Variants in CNTN4 observed in about 807,000 individuals in gnomAD.
CNTN4 encodes the protein contactin 4.
In CNTN4, 77 loss-of-function variants were observed where a neutral mutation model predicts 122.5. The ratio of observed to expected loss-of-function variants is 0.63; its 90% CI spans 0.52 to 0.76. The LOEUF is 0.76. Ranked by LOEUF, CNTN4 falls within the 30% of genes least tolerant of loss-of-function variation. The pLI is 0.00. For synonymous variants in CNTN4, 512 were observed against 447.0 expected, an observed-to-expected ratio of 1.15 and a Z score of -1.83; for missense variants, 1,256 against 1,259.1, an observed-to-expected ratio of 1.00 and a Z score of 0.04.
At chr3:2,891,606 A>G (rs1469772384) in intron 10 of CNTN4, among the ~76,000 whole-genome samples, 2 of 152,184 alleles carry the variant, frequency 1.3e-5, no homozygotes, top group Non-Finnish European at 2.9e-5. Flanking sequence ...GGGGAAGTGC[A>G]TTGCTGGCAG....
intron 3 of CNTN4, among the ~76,000 whole-genome samples, chr3:2,365,491 C>A (rs1296622854): frequency 6.6e-6 from 1 of 152,166 alleles, no homozygotes; most frequent in African/African-American, 2.4e-5. Flanking sequence ...TCTTTTCAAA[C>A]TCTGTTCTAC....
chr3:2,583,883 A>C lies in CNTN4; in HGVS notation c.55+12325A>C, dbSNP rs572535486. Among the ~76,000 whole-genome samples, 23 of 152,320 alleles carry C rather than the reference A, an allele frequency of 1.5e-4. 1 individual carries two copies. In the South Asian group the frequency reaches 2.7e-3, roughly 18 times the overall value. The stretch of plus-strand genomic sequence containing the variant: ...TTCAAACTCTGTTCTGCCAGATTTA[A>C]GTGAGAAATCCAGGCAAAATACAAT... On this transcript the variant is annotated intron_variant, in intron 4 of 24. Coordinates refer to ENST00000418658, the MANE Select transcript of CNTN4 (RefSeq NM_175607.3).
At chr3:2,364,100 G>T (rs531436197) in intron 3 of CNTN4, among the ~76,000 whole-genome samples, 1 of 152,076 alleles carries the variant, frequency 6.6e-6, no homozygotes, top group South Asian at 2.1e-4. Context: ...TTGTCTAGTT[G>T]GGGGCTTGGT....
intron 4 of CNTN4, among the ~76,000 whole-genome samples, chr3:2,577,619 A>G (rs1238409805): frequency 6.6e-6 from 1 of 152,274 alleles, no homozygotes; most frequent in East Asian, 1.9e-4. Flanking sequence ...TGAGAGGAAG[A>G]TATGTATGCC....
At chr3:2,259,785 C>CG (rs1345808987) in intron 2 of CNTN4, among the ~76,000 whole-genome samples, 2 of 152,058 alleles carry the variant, frequency 1.3e-5, no homozygotes, top group East Asian at 3.9e-4. Context: ...GAGATTTGGG[C>CG]GGGGGACGCA....
intron 3 of CNTN4, among the ~76,000 whole-genome samples, chr3:2,503,819 T>A (rs1268976173): frequency 6.6e-6 from 1 of 152,064 alleles, no homozygotes; most frequent in Non-Finnish European, 1.5e-5. Context: ...GAATGGAATA[T>A]AAAGCATAAA....
intron 4 of CNTN4, among the ~76,000 whole-genome samples, chr3:2,644,664 A>T (rs1366338554): frequency 1.3e-5 from 2 of 150,456 alleles, no homozygotes; most frequent in African/African-American, 4.9e-5. Context: ...ACCATGCCCT[A>T]TAGGGTCTGT....
chr3:2,590,890 G>C (rs1225189106), intron 4 of CNTN4, among the ~76,000 whole-genome samples: 1 of 151,600 alleles, frequency 6.6e-6, no homozygotes, highest in Non-Finnish European at 1.5e-5. Flanking sequence ...AAGCTGTATT[G>C]AAGTATAATT....
rs1438556876 is a variant in CNTN4, at chr3:2,385,301, T to C, written c.-89+46068T>C. On this transcript the variant is annotated intron_variant, in intron 3 of 24. Coordinates refer to ENST00000418658, the MANE Select transcript of CNTN4 (RefSeq NM_175607.3). This position sits in a 1 kb window ranked among gnomAD's most constrained non-coding sequence, Gnocchi z 4.0. Reference sequence around the variant, plus strand: ...AGTAATATCAAATCACTTAAAACTCTCCCAACAAACAATACCTGTTTATAG... The same window carrying C: ...AGTAATATCAAATCACTTAAAACTCCCCCAACAAACAATACCTGTTTATAG... 5.9e-5 allele frequency among the ~76,000 whole-genome samples: 9 copies of C among 152,128 alleles called. No individual in the cohort carries two copies. Among genetic ancestry groups the C allele is most frequent in the Admixed American group, 5.9e-4 (9 of 15,248 alleles).
chr3:2,201,444 C>A (rs1283936474), intron 2 of CNTN4, among the ~76,000 whole-genome samples: 4 of 152,070 alleles, frequency 2.6e-5, no homozygotes, highest in Non-Finnish European at 5.9e-5. Flanking sequence ...ATCAACAGTT[C>A]AAATAAACAA....
intron 2 of CNTN4, among the ~76,000 whole-genome samples, chr3:2,283,539 A>T (rs572389714): frequency 1.3e-5 from 2 of 152,246 alleles, no homozygotes; most frequent in Non-Finnish European, 2.9e-5. Flanking sequence ...TATAGAAGAG[A>T]GGTTAATCAA....
At chr3:2,505,793 T>C (rs2076715577) in intron 3 of CNTN4, among the ~76,000 whole-genome samples, 1 of 152,200 alleles carries the variant, frequency 6.6e-6, no homozygotes, top group Non-Finnish European at 1.5e-5. Context: ...TGAAAAGAGC[T>C]TTTAAAATAT....
chr3:2,447,073 G>C (rs1178976592), intron 3 of CNTN4, among the ~76,000 whole-genome samples: 1 of 152,130 alleles, frequency 6.6e-6, no homozygotes, highest in Non-Finnish European at 1.5e-5. Flanking sequence ...TCATATGCTT[G>C]ACACTATCAT....
intron 2 of CNTN4, among the ~76,000 whole-genome samples, chr3:2,143,800 C>T (rs939033877): frequency 6.6e-6 from 1 of 152,078 alleles, no homozygotes; most frequent in Non-Finnish European, 1.5e-5. Flanking sequence ...GTGCTGTGTC[C>T]TCCAGGGCCT....
In CNTN4 at chr3:2,930,538, TAA is replaced by T. The variant is rs201338795; in HGVS notation, c.1358+4761_1358+4762del. Reference sequence around the variant, plus strand: ...GTCACTCTCATTAATGTTGAGTAAATAAAGTCTTCTTATTCTTATGCTTAAGG... The same window carrying T: ...GTCACTCTCATTAATGTTGAGTAAATAGTCTTCTTATTCTTATGCTTAAGG... On this transcript the variant is annotated intron_variant, in intron 13 of 24. Transcript: ENST00000418658. Among the ~76,000 whole-genome samples the T allele has an allele frequency of 3.0e-4, 45 of 152,328 alleles. No homozygotes were observed. The East Asian group carries it at 8.7e-3, about 29-fold the overall frequency.
At chr3:2,470,554 A>G (rs2151498099) in intron 3 of CNTN4, among the ~76,000 whole-genome samples, 1 of 152,184 alleles carries the variant, frequency 6.6e-6, no homozygotes, top group South Asian at 2.1e-4. Flanking sequence ...ATATAGTCTC[A>G]TTTCTGCTCC....
intron 2 of CNTN4, among the ~76,000 whole-genome samples, chr3:2,222,220 T>C (rs951560442): frequency 3.3e-5 from 5 of 152,172 alleles, no homozygotes; most frequent in African/African-American, 9.6e-5. Flanking sequence ...TGTTCAGCAA[T>C]GAAGAGGAAT....
chr3:2,946,383 A>T lies in CNTN4; in HGVS notation c.1358+20604A>T, dbSNP rs146345742. ...TTGTTTTACATTTATGGTAAAACTG[A>T]GGTTAGATGATTCATGACATGTCTC... On this transcript the variant is annotated intron_variant, in intron 13 of 24. Transcript: ENST00000418658. 2.3e-3 allele frequency among the ~76,000 whole-genome samples: 354 copies of T among 152,300 alleles called. 1 individual carries two copies. The highest frequency in any genetic ancestry group is 3.7e-3 in the Non-Finnish European group (253 of 68,020).
At chr3:3,019,791 T>C (rs866015889) in intron 14 of CNTN4, among the ~76,000 whole-genome samples, 1 of 84,522 alleles carries the variant, frequency 1.2e-5, no homozygotes, top group African/African-American at 4.6e-5. Flanking sequence ...TATATATATA[T>C]ATATATACAC....
Sources: gnomAD v4.1 joint callset for allele counts (sites outside exome capture counted in the v4.1 genomes callset) on GRCh38, gnomAD v4.1.1 for gene constraint, Gnocchi (gnomAD v3.1) non-coding constraint, MANE v1.5 for transcripts, NCBI Gene and HGNC (gene_info 2026-07-23, HGNC 2026-07-21) for gene names.